The following PTPRD variants were observed in gnomAD, a reference collection of about 807,000 sequenced individuals.
PTPRD encodes the protein protein tyrosine phosphatase receptor type D.
In PTPRD, 34 loss-of-function variants were observed where a neutral mutation model predicts 214.5. The ratio of observed to expected loss-of-function variants is 0.16; its 90% CI spans 0.12 to 0.21. The LOEUF (loss-of-function observed/expected upper bound fraction) is 0.21, where lower values mean the gene tolerates loss of function less well. PTPRD is among the 10% of genes least tolerant of loss of function. The pLI is 1.00. For missense variants in PTPRD, 2,545 were observed against 2,398.7 expected, an observed-to-expected ratio of 1.06 and a Z score of -1.27; for synonymous variants, 1,128 against 845.7, an observed-to-expected ratio of 1.33 and a Z score of -5.79.
At chr9:9,725,542 C>T (rs1051259395) in intron 7 of PTPRD, among the ~76,000 whole-genome samples, 8 of 152,150 alleles carry the variant, frequency 5.3e-5, no homozygotes, top group African/African-American at 1.7e-4. Context: ...TATCTGAGCA[C>T]TTCCTCTGTC....
intron 35 of PTPRD, among the ~76,000 whole-genome samples, chr9:8,435,501 T>A (rs528289818): frequency 6.6e-6 from 1 of 152,186 alleles, no homozygotes; most frequent in Non-Finnish European, 1.5e-5. Flanking sequence ...AGGTACCCAA[T>A]AACCTTTTAT....
At chr9:9,259,137 A>G (rs1227713938) in intron 9 of PTPRD, among the ~76,000 whole-genome samples, 1 of 151,836 alleles carries the variant, frequency 6.6e-6, no homozygotes, top group Non-Finnish European at 1.5e-5. Flanking sequence ...TTGCAAGAGG[A>G]CACTTGAAGA....
At chr9:8,759,615 CTT>C (rs77725373) in intron 11 of PTPRD, among the ~76,000 whole-genome samples, 2 of 98,982 alleles carry the variant, frequency 2.0e-5, no homozygotes, top group African/African-American at 3.5e-5. Flanking sequence ...TGTTACATTT[CTT>C]TTTTTTTTTT....
chr9:10,494,748 ATTAT>A (rs905940468), intron 2 of PTPRD, among the ~76,000 whole-genome samples: 23 of 151,380 alleles, frequency 1.5e-4, no homozygotes, highest in African/African-American at 4.6e-4. Context: ...GATGAATCTG[ATTAT>A]TTATAAGATA....
chr9:10,020,116 A>G (rs2096818508), intron 4 of PTPRD, among the ~76,000 whole-genome samples: 1 of 152,120 alleles, frequency 6.6e-6, no homozygotes, highest in Non-Finnish European at 1.5e-5. Context: ...GAAGTTAAAT[A>G]TTTATTATTA....
chr9:9,907,732 A>C (rs1055679554), intron 5 of PTPRD, among the ~76,000 whole-genome samples: 8 of 151,970 alleles, frequency 5.3e-5, no homozygotes, highest in Non-Finnish European at 8.8e-5. Context: ...TGTCATTCCT[A>C]ACATAGCCAC....
chr9:9,594,319 T>C (rs887745266), intron 7 of PTPRD, among the ~76,000 whole-genome samples: 3 of 152,060 alleles, frequency 2.0e-5, no homozygotes, highest in Admixed American at 1.3e-4. Context: ...GCATTTGCTT[T>C]TGGGTTCTTG....
intron 10 of PTPRD, chr9:9,091,157 G>A (rs998106601): frequency 4.5e-6 from 7 of 1,541,180 alleles, no homozygotes; most frequent in East Asian, 2.2e-5. Flanking sequence ...GTCAGGAATC[G>A]ATCTCGTGAA....
chr9:10,562,175 G>T (rs1427926902), intron 2 of PTPRD, among the ~76,000 whole-genome samples: 1 of 152,020 alleles, frequency 6.6e-6, no homozygotes, highest in African/African-American at 2.4e-5. Context: ...TGAAGATGAT[G>T]GTCTGTCTTG....
intron 3 of PTPRD, among the ~76,000 whole-genome samples, chr9:10,189,705 T>G (rs1474669953): frequency 6.6e-6 from 1 of 152,218 alleles, no homozygotes; most frequent in East Asian, 1.9e-4. Flanking sequence ...AAAAAAATAT[T>G]TTAAAAGGGC....
rs747246986 is a variant in PTPRD, at chr9:10,421,622, T to C, written c.-599-80605A>G. On this transcript the variant is annotated intron_variant, in intron 2 of 45. Coordinates refer to ENST00000381196, the MANE Select transcript of PTPRD (RefSeq NM_002839.4). Reference sequence around the variant, plus strand: ...TTTTATATACTAGTTCTACAAAGCATTGCATACCATATATCAAAAAGGTAT... The same window carrying C: ...TTTTATATACTAGTTCTACAAAGCACTGCATACCATATATCAAAAAGGTAT... 3.9e-5 allele frequency among the ~76,000 whole-genome samples: 6 copies of C among 152,028 alleles called. No homozygotes were observed. The South Asian group carries it at 1.2e-3, about 32-fold the overall frequency.
chr9:9,696,519 C>T (rs983536453), intron 7 of PTPRD, among the ~76,000 whole-genome samples: 1 of 152,064 alleles, frequency 6.6e-6, no homozygotes, highest in Non-Finnish European at 1.5e-5. Flanking sequence ...ATTGTTATAT[C>T]CTTTCATGGG....
chr9:9,368,525 C>A (rs1415828370), intron 9 of PTPRD, among the ~76,000 whole-genome samples: 4 of 151,658 alleles, frequency 2.6e-5, no homozygotes, highest in Non-Finnish European at 5.9e-5. Flanking sequence ...ATGTCCCTAG[C>A]AAAGAATATT....
intron 2 of PTPRD, among the ~76,000 whole-genome samples, chr9:10,492,472 A>G (rs141818848): frequency 0.017 from 2,634 of 152,244 alleles, 39 homozygotes; most frequent in Middle Eastern, 0.037. Flanking sequence ...AGGGATGATT[A>G]GCTTTTTTTC....
At chr9:8,532,926 T>C (rs184965110) in intron 14 of PTPRD, among the ~76,000 whole-genome samples, 1 of 152,036 alleles carries the variant, frequency 6.6e-6, no homozygotes, top group Non-Finnish European at 1.5e-5. Flanking sequence ...AATGTAAGCA[T>C]CTTCCAGAGT....
intron 11 of PTPRD, among the ~76,000 whole-genome samples, chr9:8,758,014 C>T (rs2094141850): frequency 6.6e-6 from 1 of 152,138 alleles, no homozygotes; most frequent in South Asian, 2.1e-4. Context: ...TTCAAGAAGG[C>T]TCTGGAGACA....
intron 12 of PTPRD, among the ~76,000 whole-genome samples, chr9:8,726,026 GACACACACACACACAC>G (rs71500962): frequency 1.4e-5 from 2 of 139,512 alleles, no homozygotes; most frequent in Non-Finnish European, 3.1e-5. Flanking sequence ...CAGACAGACA[GACACACACACACACAC>G]ACACACACAC....
At chr9:9,869,414 T>C (rs2064862916) in intron 5 of PTPRD, among the ~76,000 whole-genome samples, 1 of 152,082 alleles carries the variant, frequency 6.6e-6, no homozygotes, top group Non-Finnish European at 1.5e-5. Flanking sequence ...AAGAATGGAT[T>C]AGGTTGACAC....
chr9:10,212,337 C>A (rs2099521237), intron 3 of PTPRD, among the ~76,000 whole-genome samples: 1 of 152,006 alleles, frequency 6.6e-6, no homozygotes. Context: ...AGCAGCTAAG[C>A]ATAAACGTGT....
Sources: allele counts gnomAD v4.1 joint callset (sites outside exome capture counted in the v4.1 genomes callset), GRCh38; gene constraint gnomAD v4.1.1; transcripts MANE v1.5; gene names NCBI Gene and HGNC (gene_info 2026-07-23, HGNC 2026-07-21).